The following TMEM117 variants were observed in gnomAD, a reference collection of about 807,000 sequenced individuals.
TMEM117 encodes the protein transmembrane protein 117.
Under a neutral mutation model 52.4 loss-of-function variants are expected in TMEM117, and 27 were observed. The ratio of observed to expected loss-of-function variants is 0.51; its 90% confidence interval spans 0.38 to 0.71. The LOEUF is 0.71. Ranked by LOEUF, TMEM117 falls within the 30% of genes least tolerant of loss-of-function variation. The pLI is 0.00. For missense variants in TMEM117, 556 were observed against 630.5 expected, an observed-to-expected ratio of 0.88 and a Z score of 1.26; for synonymous variants, 215 against 206.3, an observed-to-expected ratio of 1.04 and a Z score of -0.36.
At chr12:43,959,477 T>C (rs914600142) in intron 3 of TMEM117, among the ~76,000 whole-genome samples, 1 of 152,236 alleles carries the variant, frequency 6.6e-6, no homozygotes, top group African/African-American at 2.4e-5. Context: ...AATTAAATTT[T>C]TGTTAAGTTC....
intron 4 of TMEM117, among the ~76,000 whole-genome samples, chr12:44,150,673 C>T (rs1425384368): frequency 3.9e-5 from 6 of 152,092 alleles, no homozygotes; most frequent in Non-Finnish European, 7.4e-5. Context: ...ATTTTAATGT[C>T]TCTATAAATA....
At chr12:43,881,790 C>CAAAAAAAAAAAAA (rs58734580) in intron 2 of TMEM117, among the ~76,000 whole-genome samples, 1 of 42,024 alleles carries the variant, frequency 2.4e-5, no homozygotes, top group Non-Finnish European at 3.9e-5. Context: ...ACTCTTGTCT[C>CAAAAAAAAAAAAA]AAAAAAAAAA....
rs934224106 is a variant in TMEM117 at position 44,123,508 on chromosome 12, T to C, written c.411-20017T>C. Among the ~76,000 whole-genome samples the C allele has an allele frequency of 7.2e-5, 11 of 152,342 alleles. No individual in the cohort carries two copies. In the East Asian group the frequency reaches 2.1e-3, roughly 29 times the overall value. ...TGTCCTGAATGGTATTGCCTAGATTTCCTTCCAGGGTTTTTATAGCTTTGG... is the reference window on the plus strand; with the variant it reads ...TGTCCTGAATGGTATTGCCTAGATTCCCTTCCAGGGTTTTTATAGCTTTGG... On this transcript the variant is annotated intron_variant, in intron 3 of 7. Coordinates refer to ENST00000266534, the MANE Select transcript of TMEM117 (RefSeq NM_032256.3).
chr12:43,886,715 C>T lies in TMEM117; in HGVS notation c.277+41787C>T, dbSNP rs372012787. Among the ~76,000 whole-genome samples, 45 of 152,098 alleles carry T rather than the reference C, an allele frequency of 3.0e-4. No individual in the cohort carries two copies. The East Asian group carries it at 5.2e-3, about 18-fold the overall frequency. On this transcript the variant is annotated intron_variant, in intron 2 of 7. Coordinates refer to ENST00000266534, the MANE Select transcript of TMEM117 (RefSeq NM_032256.3). ...GTGTGTCAAGGGGGTTTATTGTACA[C>T]GTTATTTCATTAGTCAGGTATTAAG...
At chr12:43,934,822 A>G (rs900797975) in intron 2 of TMEM117, among the ~76,000 whole-genome samples, 5 of 152,106 alleles carry the variant, frequency 3.3e-5, no homozygotes, top group Admixed American at 6.5e-5. Flanking sequence ...TATTAATGTA[A>G]TGGTACTCTT....
chr12:44,328,177 G>T (rs1036592971), intron 6 of TMEM117, among the ~76,000 whole-genome samples: 3 of 152,078 alleles, frequency 2.0e-5, no homozygotes, highest in African/African-American at 7.2e-5. Context: ...GATACTAATT[G>T]TATTAGTTAT....
chr12:44,084,222 A>G (rs1947529852), intron 3 of TMEM117, among the ~76,000 whole-genome samples: 1 of 152,170 alleles, frequency 6.6e-6, no homozygotes, highest in Non-Finnish European at 1.5e-5. Context: ...AACAAGGGGA[A>G]TACTAAATTT....
intron 5 of TMEM117, among the ~76,000 whole-genome samples, chr12:44,280,223 G>A (rs1050303643): frequency 6.6e-6 from 1 of 152,026 alleles, no homozygotes; most frequent in Non-Finnish European, 1.5e-5. Context: ...GTTAATCCCT[G>A]TATAGATGTC....
At chr12:44,231,266 A>G (rs1949929097) in intron 5 of TMEM117, among the ~76,000 whole-genome samples, 2 of 151,682 alleles carry the variant, frequency 1.3e-5, no homozygotes, top group Admixed American at 1.3e-4. Flanking sequence ...TCCTTTTTTC[A>G]CTCATAATAA....
intron 2 of TMEM117, among the ~76,000 whole-genome samples, chr12:43,941,097 T>G (rs1266525782): frequency 6.6e-6 from 1 of 152,168 alleles, no homozygotes; most frequent in Non-Finnish European, 1.5e-5. Context: ...TTGACTGTAT[T>G]GAAGGTAACA....
chr12:44,223,227 T>C (rs1480827499), intron 5 of TMEM117, among the ~76,000 whole-genome samples: 6 of 152,110 alleles, frequency 3.9e-5, no homozygotes, highest in Non-Finnish European at 5.9e-5. Context: ...AATGCCCCAG[T>C]GTGTGAACAC....
At chr12:44,232,073 C>G (rs56973281) in intron 5 of TMEM117, among the ~76,000 whole-genome samples, 12,225 of 151,540 alleles carry the variant, frequency 0.081, 1,491 homozygotes, top group African/African-American at 0.27. Flanking sequence ...AAAAAGAGTG[C>G]CTGAAACCTA....
chr12:43,962,671 A>T (rs1314696003), intron 3 of TMEM117, among the ~76,000 whole-genome samples: 1 of 152,208 alleles, frequency 6.6e-6, no homozygotes, highest in Admixed American at 6.5e-5. Context: ...CTGTAAACCC[A>T]GCACTTTGGG....
chr12:43,917,563 C>T (rs1944626520), intron 2 of TMEM117, among the ~76,000 whole-genome samples: 1 of 152,076 alleles, frequency 6.6e-6, no homozygotes, highest in Non-Finnish European at 1.5e-5. Flanking sequence ...AGGAATTAAG[C>T]CTCAGCCATC....
chr12:44,310,811 T>C (rs2138668905), intron 6 of TMEM117, among the ~76,000 whole-genome samples: 1 of 152,310 alleles, frequency 6.6e-6, no homozygotes, highest in South Asian at 2.1e-4. Flanking sequence ...TAGAAGCACC[T>C]GGGTTCTGCT....
intron 3 of TMEM117, among the ~76,000 whole-genome samples, chr12:44,026,834 C>T (rs547664356): frequency 6.6e-6 from 1 of 151,894 alleles, no homozygotes; most frequent in South Asian, 2.1e-4. Flanking sequence ...TGTATATATC[C>T]TTAAATAGTT....
chr12:43,805,867 C>A, the TMEM117 span: 2 of 1,432,172 alleles, frequency 1.4e-6, no homozygotes. Context: ...CCAGTCGCCT[C>A]CACTGTCCCA....
chr12:43,806,105 G>C, the TMEM117 span: 2 of 1,522,544 alleles, frequency 1.3e-6, no homozygotes, highest in South Asian at 1.2e-5. Context: ...CTCGCCCCGC[G>C]AGACCGACTT....
intron 3 of TMEM117, among the ~76,000 whole-genome samples, chr12:44,023,632 A>T (rs1293000486): frequency 6.6e-6 from 1 of 151,918 alleles, no homozygotes; most frequent in Admixed American, 6.6e-5. Flanking sequence ...TCTTTTGAGA[A>T]GTGTCTGTTC....
Sources: gnomAD v4.1 joint callset for allele counts (sites outside exome capture counted in the v4.1 genomes callset) on GRCh38, gnomAD v4.1.1 for gene constraint, MANE v1.5 for transcripts, NCBI Gene and HGNC (gene_info 2026-07-23, HGNC 2026-07-21) for gene names.